SEC14L2: variants seen among roughly 807,000 people sequenced by gnomAD.
The protein encoded by SEC14L2 is SEC14 like lipid binding 2.
SEC14L2 carries 50 observed loss-of-function variants against 56.9 expected under a neutral mutation model. That is an observed-to-expected ratio of 0.88 (90% CI 0.70 to 1.11). The LOEUF (loss-of-function observed/expected upper bound fraction) is 1.11. Among genes scored for constraint, SEC14L2 ranks in the 50% most tolerant of loss-of-function variants. The pLI is 0.00. For synonymous variants in SEC14L2, 179 were observed against 188.5 expected (o/e 0.95, Z 0.41); for missense variants, 414 against 500.7 (o/e 0.83, Z 1.65).
At chr22:30,397,423 GTGGT>G in intron 1 of SEC14L2, 1 of 482,292 alleles carries the variant, frequency 2.1e-6, no homozygotes, top group Non-Finnish European at 3.6e-6. Context: ...CTGGGGACAA[GTGGT>G]TGCTTGTGAG....
intron 8 of SEC14L2, among the ~76,000 whole-genome samples, chr22:30,412,748 A>G (rs1934282883): frequency 6.7e-6 from 1 of 150,096 alleles, no homozygotes. Flanking sequence ...CGCTTAGCCC[A>G]GGAGTTCGAG....
Position 30,424,842 on chromosome 22 carries a change from C to T in SEC14L2, c.*2435C>T, listed in dbSNP as rs1347640802. 2.2e-6 allele frequency: 1 copy of T among 456,592 alleles called. No individual in the cohort carries two copies. Among genetic ancestry groups the T allele is most frequent in the South Asian group, 1.5e-5 (1 of 64,552 alleles). 28.3% of individuals were successfully genotyped at this position (456,592 alleles called of 1,614,324 possible). A position where few individuals can be genotyped will look rare whatever the true frequency, so the allele number is the denominator to read the frequency against. ...CTGAGGTCCAGCGGGGGAAGGCTTCCTCCTGTTGTAATCACTAACCCCAAC... is the reference window on the plus strand; with the variant it reads ...CTGAGGTCCAGCGGGGGAAGGCTTCTTCCTGTTGTAATCACTAACCCCAAC... On this transcript the variant is annotated 3_prime_UTR_variant, in exon 12 of 12. Coordinates refer to ENST00000615189, the MANE Select transcript of SEC14L2 (RefSeq NM_012429.5).
intron 5 of SEC14L2, among the ~76,000 whole-genome samples, chr22:30,408,837 C>T: frequency 6.6e-6 from 1 of 152,218 alleles, no homozygotes; most frequent in East Asian, 1.9e-4. Flanking sequence ...GTGCACAGAA[C>T]GTCTGTCCTC....
At chr22:30,409,616 C>T in intron 7 of SEC14L2, 130 bp downstream of exon 7, 2 of 888,940 alleles carry the variant, frequency 2.2e-6, no homozygotes, top group South Asian at 1.4e-5. Context: ...ACTGCTGCCC[C>T]TGCTAGTGTG....
chr22:30,409,433 G>A lies in SEC14L2; in HGVS notation c.527G>A (p.Cys176Tyr). 6.2e-7 allele frequency: 1 copy of A among 1,614,134 alleles called. No homozygotes were observed. Residue 176 changes from cysteine (C) to tyrosine (Y), a missense_variant, in exon 7 of 12, where the codon TGC (cysteine) becomes TAC (tyrosine). By Grantham distance (194) the Cys-to-Tyr change is radical (BLOSUM62 -2). Transcript: ENST00000615189. ...GTGATTTTGTTTCCACAGTTTCTCT[G>A]CATGTTTGAGGAAAATTATCCCGAA... The part of the protein sequence containing the change: ...PAVEAYGEFL[C>Y]MFEENYPETL...
In SEC14L2 at chr22:30,424,162, C is replaced by G. The variant is rs1481402917; in HGVS notation, c.*1755C>G. ...TACGTGCCGCGTAGCCCGTGCGAGC[C>G]AAGTGTGAGTCCGGGCGAGCGCCTG... On this transcript the variant is annotated 3_prime_UTR_variant, in exon 12 of 12. Coordinates refer to ENST00000615189, the MANE Select transcript of SEC14L2 (RefSeq NM_012429.5). 6.4e-6 allele frequency: 1 copy of G among 156,220 alleles called. No homozygotes were observed. Among genetic ancestry groups the G allele is most frequent in the Non-Finnish European group, 1.4e-5 (1 of 70,198 alleles). 9.7% of individuals were successfully genotyped at this position (156,220 alleles called of 1,614,324 possible).
chr22:30,422,335 T>G lies in SEC14L2; in HGVS notation c.1140T>G (p.Thr380=), dbSNP rs1162360126. The G allele has an allele frequency of 1.2e-6, 2 of 1,614,100 alleles. No homozygotes were observed. The highest frequency in any genetic ancestry group is 1.7e-6 in the Non-Finnish European group (2 of 1,180,028). ...TTCATGCCAAGAAGGTCAATTTCACTGTGGAGGTCCTGCTTCCAGACAAAG... is the reference window on the plus strand; with the variant it reads ...TTCATGCCAAGAAGGTCAATTTCACGGTGGAGGTCCTGCTTCCAGACAAAG... The part of the protein sequence containing the change: ...SFIHAKKVNF[T]VEVLLPDKAS... The change falls in exon 12 of 12, where the codon ACT becomes ACG. Residue 380 remains threonine, a synonymous_variant. Transcript: ENST00000615189.
intron 4 of SEC14L2, 30 bp from the exon 5 acceptor site, chr22:30,407,385 A>C: frequency 1.2e-6 from 2 of 1,606,894 alleles, no homozygotes; most frequent in Non-Finnish European, 1.7e-6. Context: ...ATGCCTGCTG[A>C]CCAGGTGGCT....
At chr22:30,407,331 C>A in intron 4 of SEC14L2, 84 bp from the exon 5 acceptor site, 1 of 1,513,248 alleles carries the variant, frequency 6.6e-7, no homozygotes, top group Non-Finnish European at 9.1e-7. Flanking sequence ...GAGAAAGATA[C>A]TGATGAACCT....
At chr22:30,400,643 C>G (rs1933901207) in intron 2 of SEC14L2, among the ~76,000 whole-genome samples, 1 of 151,842 alleles carries the variant, frequency 6.6e-6, no homozygotes, top group Non-Finnish European at 1.5e-5. Context: ...GCCTGTAATC[C>G]CAGCAGTTTG....
intron 5 of SEC14L2, among the ~76,000 whole-genome samples, chr22:30,408,172 T>C (rs1380602107): frequency 1.3e-5 from 2 of 152,048 alleles, no homozygotes; most frequent in Non-Finnish European, 2.9e-5. Flanking sequence ...CACTACATTA[T>C]TGTTATTTTT....
rs989336751 is a variant in SEC14L2, at chr22:30,424,373, G to T, written c.*1966G>T. On this transcript the variant is annotated 3_prime_UTR_variant, in exon 12 of 12. Transcript: ENST00000615189. ...ACCTACAAGCCCAGCTCAGCTTGAGGTAACTGCTGACCGGACTGTCCTATA... is the reference window on the plus strand; with the variant it reads ...ACCTACAAGCCCAGCTCAGCTTGAGTTAACTGCTGACCGGACTGTCCTATA... 2.9e-5 allele frequency: 5 copies of T among 174,464 alleles called. No homozygotes were observed. Among genetic ancestry groups the T allele is most frequent in the African/African-American group, 1.2e-4 (5 of 41,706 alleles). 10.8% of individuals were successfully genotyped at this position (174,464 alleles called of 1,614,324 possible). A position where few individuals can be genotyped will look rare whatever the true frequency, so the allele number is the denominator to read the frequency against.
intron 2 of SEC14L2, among the ~76,000 whole-genome samples, chr22:30,405,965 G>T (rs1934081311): frequency 6.6e-6 from 1 of 152,150 alleles, no homozygotes; most frequent in Non-Finnish European, 1.5e-5. Flanking sequence ...ATGTGAGACT[G>T]TGGAGGAGAT....
In SEC14L2 at chr22:30,415,838, T is replaced by C. The variant is rs1483609446; in HGVS notation, c.744T>C (p.Pro248=). 2 of 1,614,158 alleles carry C rather than the reference T, an allele frequency of 1.2e-6. No individual in the cohort carries two copies. Among genetic ancestry groups the C allele is most frequent in the Non-Finnish European group, 8.5e-7 (1 of 1,180,028 alleles). Residue 248 remains proline, a synonymous_variant, in exon 9 of 12, where the codon CCT becomes CCC. Transcript: ENST00000615189. ...AGTATGGGGGCACCATGACTGACCCTGATGGAAACCCCAAGTGCAAATCCA... is the reference window on the plus strand; with the variant it reads ...AGTATGGGGGCACCATGACTGACCCCGATGGAAACCCCAAGTGCAAATCCA... ...PVEYGGTMTD[P]DGNPKCKSKI... is the part of the protein sequence containing the mutation.
chr22:30,404,974 G>T (rs987416028), intron 2 of SEC14L2, among the ~76,000 whole-genome samples: 4 of 152,074 alleles, frequency 2.6e-5, no homozygotes, highest in Non-Finnish European at 5.9e-5. Context: ...GGAGGCTGAG[G>T]CAGGAGAATT....
In SEC14L2 at chr22:30,424,923, C is replaced by T. The variant is rs985347952; in HGVS notation, c.*2516C>T. 62 of 430,358 alleles carry T rather than the reference C, an allele frequency of 1.4e-4. No individual in the cohort carries two copies. Among genetic ancestry groups the T allele is most frequent in the Non-Finnish European group, 2.6e-4 (56 of 212,504 alleles). 26.7% of individuals were successfully genotyped at this position (430,358 alleles called of 1,614,324 possible). On this transcript the variant is annotated 3_prime_UTR_variant, in exon 12 of 12. Transcript: ENST00000615189. Reference sequence around the variant, plus strand: ...TTAATTAATTCATCCAACATCCTGTCCCCAAGAAGCTCAGTCTGGGGACAT... The same window carrying T: ...TTAATTAATTCATCCAACATCCTGTTCCCAAGAAGCTCAGTCTGGGGACAT...
At chr22:30,412,889 C>T (rs767961934) in intron 8 of SEC14L2, among the ~76,000 whole-genome samples, 1 of 150,310 alleles carries the variant, frequency 6.7e-6, no homozygotes, top group Non-Finnish European at 1.5e-5. Flanking sequence ...AGTAAAACAG[C>T]AGAACTCAAT....
chr22:30,409,805 C>T (rs553554324), intron 7 of SEC14L2, among the ~76,000 whole-genome samples: 3 of 152,326 alleles, frequency 2.0e-5, no homozygotes, highest in African/African-American at 4.8e-5. Flanking sequence ...AAGGCTGAGG[C>T]AAGAGCATTG....
chr22:30,418,276 TA>T (rs773090377), intron 11 of SEC14L2, among the ~76,000 whole-genome samples: 2 of 152,060 alleles, frequency 1.3e-5, no homozygotes, highest in Non-Finnish European at 2.9e-5. Context: ...TGTTCTCCCA[TA>T]AAGTAGCTTA....
Sources: gnomAD v4.1 joint callset for allele counts (sites outside exome capture counted in the v4.1 genomes callset) on GRCh38, gnomAD v4.1.1 for gene constraint, MANE v1.5 for transcripts, NCBI Gene and HGNC (gene_info 2026-07-23, HGNC 2026-07-21) for gene names.